The following LINGO2 variants were observed in gnomAD, a reference collection of about 807,000 sequenced individuals.
LINGO2 encodes the protein leucine-rich repeat and immunoglobulin-like domain-containing nogo receptor-interacting protein 2.
LINGO2 carries 14 observed loss-of-function variants against 30.6 expected under a neutral mutation model. The ratio of observed to expected loss-of-function variants is 0.46; its 90% CI spans 0.30 to 0.72. The LOEUF is 0.72. Ranked by LOEUF, LINGO2 falls within the 30% of genes least tolerant of loss-of-function variation. The probability of loss-of-function intolerance (pLI) is 0.07; values close to 1 mark genes in which losing one functional copy is unlikely to be tolerated. For synonymous variants in LINGO2, 317 were observed against 288.5 expected, an observed-to-expected ratio of 1.10 and a Z score of -1.00; for missense variants, 729 against 751.7, an observed-to-expected ratio of 0.97 and a Z score of 0.35.
At chr9:28,464,595 G>A (rs1406812640) in intron 2 of LINGO2, among the ~76,000 whole-genome samples, 3 of 152,054 alleles carry the variant, frequency 2.0e-5, no homozygotes, top group Non-Finnish European at 4.4e-5. Flanking sequence ...ATAATTTCAG[G>A]GAAAATAAAC....
the LINGO2 span, among the ~76,000 whole-genome samples, chr9:29,079,926 C>G: frequency 6.6e-6 from 1 of 151,894 alleles, no homozygotes; most frequent in Non-Finnish European, 1.5e-5. Context: ...AAACAACTTA[C>G]AAACATTAAC....
chr9:27,984,202 A>G (rs929115322), intron 5 of LINGO2, among the ~76,000 whole-genome samples: 1 of 151,866 alleles, frequency 6.6e-6, no homozygotes, highest in Non-Finnish European at 1.5e-5. Flanking sequence ...CCTGGGTTGT[A>G]GTCATTTAAG....
chr9:27,991,857 G>A (rs1821414186), intron 5 of LINGO2, among the ~76,000 whole-genome samples: 1 of 152,026 alleles, frequency 6.6e-6, no homozygotes, highest in Non-Finnish European at 1.5e-5. Context: ...ATATGTTTCA[G>A]TACCTGTCAC....
At chr9:28,879,517 CAT>C in the LINGO2 span, among the ~76,000 whole-genome samples, 2 of 152,194 alleles carry the variant, frequency 1.3e-5, no homozygotes, top group Non-Finnish European at 2.9e-5. Context: ...CTAGATTCTA[CAT>C]GTTTCTTCCA....
chr9:28,065,464 A>C (rs75666425), intron 4 of LINGO2, among the ~76,000 whole-genome samples: 1,618 of 152,254 alleles, frequency 0.011, 30 homozygotes, highest in African/African-American at 0.037. Context: ...GTTGCATAGT[A>C]AAAACGGGCA....
downstream of LINGO2, chr9:27,943,894 C>T (rs1047261313): frequency 6.6e-6 from 1 of 152,036 alleles, no homozygotes; most frequent in Non-Finnish European, 1.5e-5. Context: ...AGGATGTTCT[C>T]CAGGGAGAAG....
At chr9:28,492,084 C>G (rs1826416547) in intron 1 of LINGO2, among the ~76,000 whole-genome samples, 1 of 152,190 alleles carries the variant, frequency 6.6e-6, no homozygotes, top group African/African-American at 2.4e-5. Context: ...CAATAACATT[C>G]AAAACAATTT....
chr9:29,006,459 T>C, the LINGO2 span, among the ~76,000 whole-genome samples: 2 of 152,192 alleles, frequency 1.3e-5, no homozygotes, highest in Non-Finnish European at 2.9e-5. Context: ...GTGTCTGGCA[T>C]ACAGACTTTT....
chr9:28,299,598 G>A (rs1824059736), intron 3 of LINGO2, among the ~76,000 whole-genome samples: 1 of 152,006 alleles, frequency 6.6e-6, no homozygotes, highest in African/African-American at 2.4e-5. Context: ...CAAATTATGA[G>A]AAGTTTATAC....
At chr9:28,878,489 G>A in the LINGO2 span, among the ~76,000 whole-genome samples, 3 of 152,160 alleles carry the variant, frequency 2.0e-5, no homozygotes, top group Admixed American at 1.3e-4. Flanking sequence ...CTCATTTTAT[G>A]AGGCCAGCAT....
At chr9:28,430,880 G>T (rs898107476) in intron 2 of LINGO2, among the ~76,000 whole-genome samples, 1 of 152,210 alleles carries the variant, frequency 6.6e-6, no homozygotes, top group African/African-American at 2.4e-5. Flanking sequence ...GGGGACTAAA[G>T]AATCTGCTTC....
the LINGO2 span, among the ~76,000 whole-genome samples, chr9:29,206,347 G>A: frequency 6.6e-6 from 1 of 152,144 alleles, no homozygotes; most frequent in Non-Finnish European, 1.5e-5. Flanking sequence ...TAGATGAGCT[G>A]AACCAGTTTA....
chr9:28,839,255 G>A, the LINGO2 span, among the ~76,000 whole-genome samples: 217 of 152,290 alleles, frequency 1.4e-3, 1 homozygote, highest in Non-Finnish European at 2.2e-3. Context: ...AAGGTCCCAA[G>A]TTGTCCCACA....
At chr9:27,949,240 T>C (rs1485084093) in exon 6 of LINGO2, 1 of 1,614,116 alleles carries the variant, frequency 6.2e-7, no homozygotes. Context: ...TACATCCCGC[T>C]GTCTTGATCC....
intron 4 of LINGO2, among the ~76,000 whole-genome samples, chr9:28,090,389 G>A (rs184177857): frequency 1.3e-5 from 2 of 152,224 alleles, no homozygotes; most frequent in East Asian, 3.9e-4. Context: ...TTCATCTCTG[G>A]GATGCAAGGC....
chr9:28,542,898 C>T (rs559355958), intron 1 of LINGO2, among the ~76,000 whole-genome samples: 2 of 152,038 alleles, frequency 1.3e-5, no homozygotes, highest in South Asian at 2.1e-4. Flanking sequence ...GCCACACTCC[C>T]GTAATTCAGG....
chr9:27,999,127 G>A (rs1821815128), intron 5 of LINGO2, among the ~76,000 whole-genome samples: 2 of 151,862 alleles, frequency 1.3e-5, no homozygotes, highest in African/African-American at 4.8e-5. Flanking sequence ...AGGCACATTG[G>A]GTCCTGGACC....
At chr9:28,857,367 G>T in the LINGO2 span, among the ~76,000 whole-genome samples, 1 of 151,980 alleles carries the variant, frequency 6.6e-6, no homozygotes, top group South Asian at 2.1e-4. Flanking sequence ...TTTAGCCCTT[G>T]TTTTATATGA....
At chr9:28,336,320 T>C (rs1490007592) in intron 3 of LINGO2, among the ~76,000 whole-genome samples, 1 of 152,142 alleles carries the variant, frequency 6.6e-6, no homozygotes, top group Non-Finnish European at 1.5e-5. Flanking sequence ...TTAATACAAG[T>C]CATTTGATAG....
Sources: gnomAD v4.1 joint callset for allele counts (sites outside exome capture counted in the v4.1 genomes callset) on GRCh38, gnomAD v4.1.1 for gene constraint, MANE v1.5 for transcripts, NCBI Gene and HGNC (gene_info 2026-07-23, HGNC 2026-07-21) for gene names.